Variants in NLRP4 observed in about 807,000 individuals in gnomAD.
NLRP4 encodes the protein NACHT, LRR and PYD domains-containing protein 4.
Under a neutral mutation model 84.7 loss-of-function variants are expected in NLRP4, and 44 were observed. That is an observed-to-expected ratio of 0.52 (90% CI 0.41 to 0.67). NLRP4 has a LOEUF of 0.67. Ranked by LOEUF, NLRP4 falls within the 30% of genes least tolerant of loss-of-function variation. The probability of loss-of-function intolerance (pLI) is 0.00; values close to 1 mark genes in which losing one functional copy is unlikely to be tolerated. For synonymous variants in NLRP4, 544 were observed against 476.4 expected (o/e 1.14, Z -1.85); for missense variants, 1,260 against 1,219.4 (o/e 1.03, Z -0.50).
chr19:55,846,336 A>T (rs1472016836), intron 1 of NLRP4, among the ~76,000 whole-genome samples: 1 of 152,158 alleles, frequency 6.6e-6, no homozygotes, highest in Non-Finnish European at 1.5e-5. Context: ...AGTTGTAGAT[A>T]TGCGGCATTA....
At chr19:55,856,590 A>G (rs1984428166) in intron 2 of NLRP4, among the ~76,000 whole-genome samples, 1 of 138,688 alleles carries the variant, frequency 7.2e-6, no homozygotes, top group African/African-American at 2.8e-5. Context: ...ATCTCAGCTC[A>G]CTGCAACCTC....
intron 7 of NLRP4, 23 bp from the exon 8 acceptor site, chr19:55,876,973 A>G (rs774043177): frequency 1.2e-6 from 2 of 1,603,216 alleles, no homozygotes; most frequent in South Asian, 2.2e-5. Flanking sequence ...GCCTTTAAGC[A>G]TGGTACCCTT....
intron 5 of NLRP4, among the ~76,000 whole-genome samples, chr19:55,865,170 G>T (rs1984908289): frequency 6.6e-6 from 1 of 152,094 alleles, no homozygotes; most frequent in Admixed American, 6.5e-5. Flanking sequence ...CCTGGTGTCT[G>T]TTGTCCTTTT....
intron 1 of NLRP4, among the ~76,000 whole-genome samples, chr19:55,851,679 CGGTGT>C (rs1984157852): frequency 1.4e-5 from 2 of 148,036 alleles, no homozygotes; most frequent in Admixed American, 6.7e-5. Flanking sequence ...TCCGAGGCTG[CGGTGT>C]AATGTCCGAG....
At chr19:55,842,937 A>T (rs1482638437) in intron 1 of NLRP4, among the ~76,000 whole-genome samples, 1 of 151,598 alleles carries the variant, frequency 6.6e-6, no homozygotes, top group Non-Finnish European at 1.5e-5. Context: ...TTTTTTGTGT[A>T]TTTAGTAGAG....
Position 55,881,833 on chromosome 19 carries a change from G to T in NLRP4, c.*246G>T. 3.3e-6 allele frequency: 1 copy of T among 301,938 alleles called. No homozygotes were observed. Among genetic ancestry groups the T allele is most frequent in the Non-Finnish European group, 6.0e-6 (1 of 165,664 alleles). The allele number at this position is 301,938 out of a possible 1,614,324, so 18.7% of individuals were successfully genotyped here. On this transcript the variant is annotated 3_prime_UTR_variant, in exon 10 of 10. Coordinates refer to ENST00000301295, the MANE Select transcript of NLRP4 (RefSeq NM_134444.5). ...GGACCTCTTAACCCCTCAATAAAGT[G>T]TTACATTTCTAAACATTGGAAATTC...
rs1017493744 is a variant in NLRP4, at chr19:55,839,249, G to A, written c.-66+2315G>A. Reference sequence around the variant, plus strand: ...GCAGTGTTTGGTTTTCTGTTCCAGTGTTAATTTGCTGAGGATGATGTAAAC... The same window carrying A: ...GCAGTGTTTGGTTTTCTGTTCCAGTATTAATTTGCTGAGGATGATGTAAAC... On this transcript the variant is annotated intron_variant, in intron 1 of 9. Coordinates refer to ENST00000301295, the MANE Select transcript of NLRP4 (RefSeq NM_134444.5). Among the ~76,000 whole-genome samples, 14 of 151,976 alleles carry A rather than the reference G, an allele frequency of 9.2e-5. 1 individual carries two copies. The East Asian group carries it at 2.7e-3, about 29-fold the overall frequency.
chr19:55,839,328 CACACACATAT>C (rs1265788855), intron 1 of NLRP4, among the ~76,000 whole-genome samples: 1 of 123,620 alleles, frequency 8.1e-6, no homozygotes, highest in Non-Finnish European at 1.8e-5. Context: ...TGTGCTCTTT[CACACACATAT>C]ACACACATGC....
rs1034137151 is a variant in NLRP4, at chr19:55,846,061, C to A, written c.-65-5955C>A. The stretch of plus-strand genomic sequence containing the variant: ...CATTTGTCAATTTTGTCTTTTGTTG[C>A]CATTGCTTGGTGTTTTAGACATGAA... On this transcript the variant is annotated intron_variant, in intron 1 of 9. Coordinates refer to ENST00000301295, the MANE Select transcript of NLRP4 (RefSeq NM_134444.5). Among the ~76,000 whole-genome samples, 5 of 152,172 alleles carry A rather than the reference C, an allele frequency of 3.3e-5. No individual in the cohort carries two copies. The East Asian group carries it at 5.8e-4, about 18-fold the overall frequency.
rs185645086 is a variant in NLRP4, at chr19:55,841,187, A to G, written c.-66+4253A>G. Among the ~76,000 whole-genome samples the G allele has an allele frequency of 2.6e-5, 4 of 152,210 alleles. No individual in the cohort carries two copies. The East Asian group carries it at 7.7e-4, about 29-fold the overall frequency. On this transcript the variant is annotated intron_variant, in intron 1 of 9. Transcript: ENST00000301295. ...ATTTTGAAATATCCGCCACACTGTTATTTGCTTTAGTTACCCTAATTTGTA... is the reference window on the plus strand; with the variant it reads ...ATTTTGAAATATCCGCCACACTGTTGTTTGCTTTAGTTACCCTAATTTGTA...
rs150458634 is a variant in NLRP4, at chr19:55,871,278, C to T, written c.2525+281C>T. ...TAGGTCGGGACCTGAGGGGCAATTT[C>T]ATGGCGAAGATGATATTTGGTGTGT... On this transcript the variant is annotated intron_variant, in intron 7 of 9. Transcript: ENST00000301295. Among the ~76,000 whole-genome samples the T allele has an allele frequency of 1.6e-3, 243 of 152,294 alleles. 1 individual carries two copies. The highest frequency in any genetic ancestry group is 5.5e-3 in the African/African-American group (229 of 41,566).
chr19:55,856,346 G>C (rs544267002), intron 2 of NLRP4, among the ~76,000 whole-genome samples: 1 of 152,104 alleles, frequency 6.6e-6, no homozygotes, highest in Non-Finnish European at 1.5e-5. Context: ...CAGCGTCTGT[G>C]TGTTCATGGA....
In NLRP4 at chr19:55,857,658, G is replaced by A; in HGVS notation, c.281-16G>A. Reference sequence around the variant, plus strand: ...AACTTTGTGGGTTTTCTCTCCTCTTGCCCTCACTGACTCAGGATACACAAA... The same window carrying A: ...AACTTTGTGGGTTTTCTCTCCTCTTACCCTCACTGACTCAGGATACACAAA... On this transcript the variant is annotated splice_polypyrimidine_tract_variant and intron_variant, in intron 2 of 9. Coordinates refer to ENST00000301295, the MANE Select transcript of NLRP4 (RefSeq NM_134444.5). 6.2e-7 allele frequency: 1 copy of A among 1,608,612 alleles called. No homozygotes were observed. The highest frequency in any genetic ancestry group is 8.5e-7 in the Non-Finnish European group (1 of 1,178,658).
chr19:55,837,609 C>T (rs184372046), intron 1 of NLRP4, among the ~76,000 whole-genome samples: 1 of 150,898 alleles, frequency 6.6e-6, no homozygotes, highest in Admixed American at 6.6e-5. Flanking sequence ...ACCCTAAAAA[C>T]ACACACACAC....
chr19:55,844,503 T>C (rs1983719471), intron 1 of NLRP4, among the ~76,000 whole-genome samples: 1 of 152,146 alleles, frequency 6.6e-6, no homozygotes, highest in South Asian at 2.1e-4. Context: ...CTTGATCTCC[T>C]GACCTCAGGT....
chr19:55,864,476 G>A (rs8104693), intron 5 of NLRP4, among the ~76,000 whole-genome samples: 37,570 of 152,160 alleles, frequency 0.25, 4,821 homozygotes, highest in Middle Eastern at 0.36. Context: ...CTCTAGTGAT[G>A]AACACTTGGG....
In NLRP4 at chr19:55,877,199, A is replaced by G. The variant is rs1985407527; in HGVS notation, c.2696+33A>G. 3.8e-6 allele frequency: 6 copies of G among 1,595,474 alleles called. No individual in the cohort carries two copies. The African/African-American group carries it at 5.4e-5, about 14-fold the overall frequency. On this transcript the variant is annotated intron_variant, in intron 8 of 9. Transcript: ENST00000301295. ...TCGCCAAGCTCCTGGTTATGTTTTC[A>G]TGAGTGGCAAAGACGGAAAATGGAT...
chr19:55,854,632 A>G (rs1984338775), intron 2 of NLRP4, among the ~76,000 whole-genome samples: 2 of 152,198 alleles, frequency 1.3e-5, no homozygotes, highest in African/African-American at 4.8e-5. Context: ...GAAATAAAAT[A>G]ATTTGAGAGT....
At chr19:55,840,335 T>C (rs1045585051) in intron 1 of NLRP4, among the ~76,000 whole-genome samples, 13 of 120,844 alleles carry the variant, frequency 1.1e-4, no homozygotes, top group African/African-American at 4.4e-4. Flanking sequence ...TAGACATATG[T>C]GTATGTGTAT....
Sources: gnomAD v4.1 joint callset for allele counts (sites outside exome capture counted in the v4.1 genomes callset) on GRCh38, gnomAD v4.1.1 for gene constraint, MANE v1.5 for transcripts, NCBI Gene and HGNC (gene_info 2026-07-23, HGNC 2026-07-21) for gene names.